Variants in CD1D observed in about 807,000 individuals in gnomAD.
The protein encoded by CD1D is CD1d molecule, also known as antigen-presenting glycoprotein CD1d.
Under a neutral mutation model 42.1 loss-of-function variants are expected in CD1D, and 40 were observed. The observed-to-expected ratio is 0.95, with a 90% confidence interval of 0.74 to 1.24. The LOEUF is 1.24. CD1D is among the 50% of genes most tolerant of loss of function. The pLI, the probability that CD1D is intolerant of heterozygous loss-of-function variation, is 0.00. For synonymous variants in CD1D, 178 were observed against 171.8 expected (o/e 1.04, Z -0.28); for missense variants, 437 against 416.5 (o/e 1.05, Z -0.43).
At chr1:158,178,684 A>G (rs1019402711), upstream of CD1D, among the ~76,000 whole-genome samples, 4 of 152,196 alleles carry the variant, frequency 2.6e-5, no homozygotes, top group Admixed American at 6.5e-5. Flanking sequence ...TCCATAAAAT[A>G]GTAAACTATT....
At chr1:158,183,288 G>T (rs960459536) in intron 4 of CD1D, 132 bp downstream of exon 4, 66 of 1,113,558 alleles carry the variant, frequency 5.9e-5, no homozygotes, top group Middle Eastern at 4.3e-4. Context: ...CCAGTAAAAG[G>T]ATAGAGAGAG....
Position 158,183,998 on chromosome 1 carries a change from C to T in CD1D, c.949C>T (p.Leu317Phe), listed in dbSNP as rs1015180156. Reference sequence around the variant, plus strand: ...AGTCCTGGCGTGCTTGCTGTTCCTCCTCATTGTGGGCTTTACCTCCCGGTT... The same window carrying T: ...AGTCCTGGCGTGCTTGCTGTTCCTCTTCATTGTGGGCTTTACCTCCCGGTT... The part of the protein sequence containing the change: ...LAVLACLLFL[L>F]IVGFTSRFKR... Residue 317 changes from leucine (L) to phenylalanine (F), a missense_variant, in exon 5 of 6, where the codon CTC (leucine) becomes TTC (phenylalanine). Coordinates refer to ENST00000674085, the MANE Select transcript of CD1D (RefSeq NM_001371762.2). 3 of 1,614,094 alleles carry T rather than the reference C, an allele frequency of 1.9e-6. No homozygotes were observed. The highest frequency in any genetic ancestry group is 1.7e-5 in the Admixed American group (1 of 60,012).
At chr1:158,181,925 T>G in intron 2 of CD1D, 107 bp from the exon 3 acceptor site, 2 of 1,441,478 alleles carry the variant, frequency 1.4e-6, no homozygotes, top group Non-Finnish European at 1.9e-6. Context: ...TTACTTTCCT[T>G]TCCCTGAAGT....
At position 158,182,211 on chromosome 1, in the gene CD1D, A is replaced by G. The variant is rs1234034510; in HGVS notation, c.508A>G (p.Lys170Glu). The G allele has an allele frequency of 1.2e-6, 2 of 1,614,204 alleles. No homozygotes were observed. Among genetic ancestry groups the G allele is most frequent in the East Asian group, 2.2e-5 (1 of 44,872 alleles). ...GGCCATTCAAGTGCTCAACCAGGAC[A>G]AGTGGACGAGGGAAACAGTGCAGTG... The part of the protein sequence containing the change: ...NLAIQVLNQD[K>E]WTRETVQWLL... Residue 170 changes from lysine to glutamate, a missense_variant, in exon 3 of 6, where the codon AAG becomes GAG. Physicochemically the swap from Lys to Glu is moderately conservative, Grantham distance 56. Transcript: ENST00000674085.
In CD1D at chr1:158,185,930, T is replaced by A. The variant is rs1648686743; in HGVS notation, c.*1780T>A. On this transcript the variant is annotated 3_prime_UTR_variant, in exon 6 of 6. Transcript: ENST00000674085. ...ACATTGTGCAATGTTATACAACAACTTCCTCAAAGTGCTAAGTGAAAAGGA... is the reference window on the plus strand; with the variant it reads ...ACATTGTGCAATGTTATACAACAACATCCTCAAAGTGCTAAGTGAAAAGGA... Among the ~76,000 whole-genome samples the A allele has an allele frequency of 6.6e-6, 1 of 152,154 alleles. No individual in the cohort carries two copies. Among genetic ancestry groups the A allele is most frequent in the Non-Finnish European group, 1.5e-5 (1 of 68,038 alleles).
rs1392816392 is a variant in CD1D at position 158,185,469 on chromosome 1, G to A, written c.*1319G>A. On this transcript the variant is annotated 3_prime_UTR_variant, in exon 6 of 6. Coordinates refer to ENST00000674085, the MANE Select transcript of CD1D (RefSeq NM_001371762.2). The stretch of plus-strand genomic sequence containing the variant: ...TTTGGGAGGCTGAGATAGGAGGATT[G>A]TTTAAGGCCAGGCATTTGAAATCAG... Among the ~76,000 whole-genome samples, 4 of 152,090 alleles carry A rather than the reference G, an allele frequency of 2.6e-5. No homozygotes were observed. The highest frequency in any genetic ancestry group is 4.8e-5 in the African/African-American group (2 of 41,432).
In CD1D at chr1:158,184,230, A is replaced by G; in HGVS notation, c.*80A>G. On this transcript the variant is annotated 3_prime_UTR_variant, in exon 6 of 6. Coordinates refer to ENST00000674085, the MANE Select transcript of CD1D (RefSeq NM_001371762.2). Reference sequence around the variant, plus strand: ...CTAAGACTTCAGTCCTGGTCTGCTCAGGAATTGAAGATGTAAGGAATTGAA... The same window carrying G: ...CTAAGACTTCAGTCCTGGTCTGCTCGGGAATTGAAGATGTAAGGAATTGAA... 2 of 1,402,876 alleles carry G rather than the reference A, an allele frequency of 1.4e-6. No individual in the cohort carries two copies. Among genetic ancestry groups the G allele is most frequent in the Non-Finnish European group, 2.0e-6 (2 of 994,712 alleles). The allele number at this position is 1,402,876 out of a possible 1,614,324, so 86.9% of individuals were successfully genotyped here.
rs1272879313 is a variant in CD1D, at chr1:158,181,454, G to T, written c.62-1G>T. 6.2e-7 allele frequency: 1 copy of T among 1,613,620 alleles called. No individual in the cohort carries two copies. The highest frequency in any genetic ancestry group is 1.7e-5 in the Admixed American group (1 of 60,020). On this transcript the variant is annotated splice_acceptor_variant, in intron 1 of 5. Coordinates refer to ENST00000674085, the MANE Select transcript of CD1D (RefSeq NM_001371762.2). LOFTEE classifies it high-confidence loss of function. ...CGCCTCCAATCTTCATTCTCTCCCAGTCCCGCAAAGGCTTTTCCCCCTCCG... is the reference window on the plus strand; with the variant it reads ...CGCCTCCAATCTTCATTCTCTCCCATTCCCGCAAAGGCTTTTCCCCCTCCG...
chr1:158,180,174 C>A (rs1353776739), upstream of CD1D: 1 of 152,198 alleles, frequency 6.6e-6, no homozygotes, highest in Non-Finnish European at 1.5e-5. Context: ...TGAGCTAAGG[C>A]TTAGAACCAC....
chr1:158,184,028 A>G lies in CD1D; in HGVS notation c.979A>G (p.Arg327Gly). 1.2e-6 allele frequency: 2 copies of G among 1,614,100 alleles called. No individual in the cohort carries two copies. The highest frequency in any genetic ancestry group is 8.5e-7 in the Non-Finnish European group (1 of 1,179,978). Residue 327 changes from arginine (R) to glycine (G), a missense_variant, in exon 5 of 6, where the codon AGG becomes GGG. By Grantham distance (125) the Arg-to-Gly change is moderately radical. Transcript: ENST00000674085. ...LIVGFTSRFK[R>G]QTSYQGVL ...TGTGGGCTTTACCTCCCGGTTTAAGAGGCAAACGTAAGTCTCCCCTTTCCC... is the reference window on the plus strand; with the variant it reads ...TGTGGGCTTTACCTCCCGGTTTAAGGGGCAAACGTAAGTCTCCCCTTTCCC...
rs1264733068 is a variant in CD1D at position 158,183,959 on chromosome 1, T to C, written c.910T>C (p.Leu304=). The C allele has an allele frequency of 1.2e-6, 2 of 1,614,102 alleles. No individual in the cohort carries two copies. The highest frequency in any genetic ancestry group is 1.3e-5 in the African/African-American group (1 of 74,942). Residue 304 remains leucine, a synonymous_variant, in exon 5 of 6, where the codon TTG becomes CTG. Transcript: ENST00000674085. The part of the protein sequence containing the change: ...YWGGSYTSMG[L]IALAVLACLL... ...AGGTGGGAGCTACACCTCCATGGGC[T>C]TGATTGCCTTGGCAGTCCTGGCGTG...
Position 158,184,696 on chromosome 1 carries a change from G to A in CD1D, c.*546G>A, listed in dbSNP as rs1228449827. On this transcript the variant is annotated 3_prime_UTR_variant, in exon 6 of 6. Transcript: ENST00000674085. ...CTCAAATACATACCTACTGACTGAT[G>A]ACAAACCCAGGAGTTTGTGTGTCTT... The A allele has an allele frequency of 6.5e-6, 1 of 152,950 alleles. No individual in the cohort carries two copies. Among genetic ancestry groups the A allele is most frequent in the Non-Finnish European group, 1.5e-5 (1 of 68,628 alleles). The allele number at this position is 152,950 out of a possible 1,614,324, so 9.5% of individuals were successfully genotyped here.
upstream of CD1D, among the ~76,000 whole-genome samples, chr1:158,179,722 C>G (rs758160461): frequency 5.9e-5 from 9 of 152,156 alleles, no homozygotes; most frequent in Non-Finnish European, 1.0e-4. Flanking sequence ...GTGGAAATAA[C>G]TAGGCATTGG....
chr1:158,180,317 G>A (rs1010395703), upstream of CD1D, among the ~76,000 whole-genome samples: 11 of 152,184 alleles, frequency 7.2e-5, no homozygotes, highest in East Asian at 1.9e-4. Context: ...AGGAGCCAGA[G>A]GAGAAGGTAT....
In CD1D at chr1:158,180,959, GC is replaced by G; in HGVS notation, c.-142del. On this transcript the variant is annotated 5_prime_UTR_variant, in exon 1 of 6. Coordinates refer to ENST00000674085, the MANE Select transcript of CD1D (RefSeq NM_001371762.2). ...AAGCAGCAAACCGCCGGCAAGCCCA[GC>G]GAGGAGGGCTGCCGGGGTCTGGGCT... 1 of 695,288 alleles carries G rather than the reference GC, an allele frequency of 1.4e-6. No individual in the cohort carries two copies. Among genetic ancestry groups the G allele is most frequent in the African/African-American group, 1.8e-5 (1 of 55,084 alleles). 43.1% of individuals were successfully genotyped at this position (695,288 alleles called of 1,614,324 possible).
At chr1:158,183,270 T>A in intron 4 of CD1D, 114 bp downstream of exon 4, 1 of 1,258,132 alleles carries the variant, frequency 7.9e-7, no homozygotes, top group Non-Finnish European at 1.1e-6. Context: ...GTTTCAGAGA[T>A]GAGGCCCCCA....
At position 158,180,987 on chromosome 1, in the gene CD1D, G is replaced by T; in HGVS notation, c.-115G>T. The T allele has an allele frequency of 2.0e-6, 2 of 977,758 alleles. No individual in the cohort carries two copies. Among genetic ancestry groups the T allele is most frequent in the Non-Finnish European group, 2.9e-6 (2 of 693,946 alleles). 60.6% of individuals were successfully genotyped at this position (977,758 alleles called of 1,614,324 possible). The stretch of plus-strand genomic sequence containing the variant: ...AGGAGGGCTGCCGGGGTCTGGGCTT[G>T]GGAATTGGCTGGCACCCAGCGGAAA... On this transcript the variant is annotated 5_prime_UTR_variant, in exon 1 of 6. Coordinates refer to ENST00000674085, the MANE Select transcript of CD1D (RefSeq NM_001371762.2).
rs1558045313 is a variant in CD1D, at chr1:158,183,113, G to A, written c.843G>A (p.Val281=). The A allele has an allele frequency of 1.9e-6, 3 of 1,613,784 alleles. No homozygotes were observed. The highest frequency in any genetic ancestry group is 2.2e-5 in the East Asian group (1 of 44,876). ...AGEAAGLSCR[V]KHSSLEGQDI... ...AGGCAGCTGGCCTGTCCTGTCGGGT[G>A]AAGCACAGCAGTCTAGAGGGCCAGG... Residue 281 remains valine, a synonymous_variant, in exon 4 of 6, where the codon GTG becomes GTA. Transcript: ENST00000674085.
Position 158,182,988 on chromosome 1 carries a change from C to T in CD1D, c.718C>T (p.Arg240Trp), listed in dbSNP as rs139209490. The stretch of plus-strand genomic sequence containing the variant: ...AAAGCCTGTATGGGTGAAGTGGATG[C>T]GGGGTGAGCAGGAGCAGCAGGGCAC... Reference protein sequence around the residue: ...YPKPVWVKWMRGEQEQQGTQP... With the variant: ...YPKPVWVKWMWGEQEQQGTQP... The change falls in exon 4 of 6, where the codon CGG becomes TGG. Residue 240 changes from arginine to tryptophan, a missense_variant. Coordinates refer to ENST00000674085, the MANE Select transcript of CD1D (RefSeq NM_001371762.2). 202 of 1,614,146 alleles carry T rather than the reference C, an allele frequency of 1.3e-4. No homozygotes were observed. In the East Asian group the frequency reaches 2.6e-3, roughly 20 times the overall value.
Sources: allele counts gnomAD v4.1 joint callset (sites outside exome capture counted in the v4.1 genomes callset), GRCh38; gene constraint gnomAD v4.1.1; transcripts MANE v1.5; gene names NCBI Gene and HGNC (gene_info 2026-07-23, HGNC 2026-07-21).